GLRA2: variants seen among roughly 807,000 people sequenced by gnomAD.
The protein encoded by GLRA2 is glycine receptor subunit alpha-2.
In GLRA2, 11 loss-of-function variants were observed where a neutral mutation model predicts 31.6. The observed-to-expected ratio is 0.35, with a 90% CI of 0.22 to 0.58. GLRA2 has a LOEUF of 0.58. GLRA2 is among the 20% of genes least tolerant of loss of function. The probability of loss-of-function intolerance (pLI) is 0.84; values close to 1 mark genes in which losing one functional copy is unlikely to be tolerated. For synonymous variants in GLRA2, 132 were observed against 134.0 expected (o/e 0.99, Z 0.10); for missense variants, 212 against 351.8 (o/e 0.60, Z 3.18).
chrX:14,492,616 G>A, the GLRA2 span, among the ~76,000 whole-genome samples: 307 of 111,369 alleles, frequency 2.8e-3, no homozygotes, highest in African/African-American at 9.5e-3. Flanking sequence ...TGCTGGTGAG[G>A]ATGCAGAGCT....
chrX:14,718,812 G>A (rs1196890446), intron 8 of GLRA2, among the ~76,000 whole-genome samples: 1 of 111,588 alleles, frequency 9.0e-6, no homozygotes, highest in Admixed American at 9.5e-5. Context: ...CAGTGAACAT[G>A]GCAAGGCTGC....
chrX:14,708,702 C>T (rs750759459), intron 8 of GLRA2, among the ~76,000 whole-genome samples: 1 of 111,463 alleles, frequency 9.0e-6, no homozygotes, highest in Non-Finnish European at 1.9e-5. Flanking sequence ...TTTGGGAGGC[C>T]GAGGTGGGCG....
intron 2 of GLRA2, among the ~76,000 whole-genome samples, chrX:14,543,236 C>CAAAA (rs60906048): frequency 7.3e-4 from 17 of 23,363 alleles, no homozygotes; most frequent in African/African-American, 1.7e-3. Flanking sequence ...TTGTCATCTG[C>CAAAA]AAAAAAAAAA....
intron 1 of GLRA2, chrX:14,530,853 GT>G (rs1332976800): frequency 2.4e-6 from 1 of 410,616 alleles, no homozygotes; most frequent in East Asian, 1.4e-4. Context: ...TTACCAGTAA[GT>G]GAAATAGTCA....
At chrX:14,536,830 G>GA (rs1287911662) in intron 2 of GLRA2, among the ~76,000 whole-genome samples, 1 of 111,335 alleles carries the variant, frequency 9.0e-6, no homozygotes, top group Non-Finnish European at 1.9e-5. Context: ...AAAGTATACA[G>GA]AAAAAAAGAG....
intron 2 of GLRA2, among the ~76,000 whole-genome samples, chrX:14,547,436 G>A (rs1185708611): frequency 9.0e-6 from 1 of 111,295 alleles, no homozygotes; most frequent in Admixed American, 9.6e-5. Context: ...CTGTGTTTAG[G>A]TTCTTTACTA....
intron 7 of GLRA2, among the ~76,000 whole-genome samples, chrX:14,664,205 A>G (rs1289301038): frequency 8.9e-6 from 1 of 111,879 alleles, no homozygotes; most frequent in African/African-American, 3.2e-5. Flanking sequence ...ACTATTTTGT[A>G]GACACTGTGC....
chrX:14,663,010 A>G (rs1335402204), intron 7 of GLRA2, among the ~76,000 whole-genome samples: 1 of 111,933 alleles, frequency 8.9e-6, no homozygotes, highest in Non-Finnish European at 1.9e-5. Context: ...TAGTAGTAGT[A>G]GATTTTTCAG....
At chrX:14,464,808 G>C in the GLRA2 span, among the ~76,000 whole-genome samples, 1 of 111,805 alleles carries the variant, frequency 8.9e-6, no homozygotes, top group South Asian at 3.7e-4. Flanking sequence ...GCCCACCTCG[G>C]CCTCCCAAAG....
intron 7 of GLRA2, among the ~76,000 whole-genome samples, chrX:14,615,250 G>A (rs1298344805): frequency 8.9e-6 from 1 of 111,780 alleles, no homozygotes; most frequent in African/African-American, 3.2e-5. Flanking sequence ...GTGAATAAAT[G>A]AACAGTGTTG....
intron 2 of GLRA2, 49 bp downstream of exon 2, chrX:14,532,421 G>T: frequency 1.2e-6 from 1 of 837,849 alleles, no homozygotes; most frequent in Non-Finnish European, 1.7e-6. Context: ...TCTTCTAGAT[G>T]TTTGAATAGT....
the GLRA2 span, among the ~76,000 whole-genome samples, chrX:14,458,471 A>G: frequency 8.9e-6 from 1 of 112,124 alleles, no homozygotes; most frequent in Non-Finnish European, 1.9e-5. Flanking sequence ...TGGTTGAACT[A>G]GTTTACAGTC....
the GLRA2 span, among the ~76,000 whole-genome samples, chrX:14,512,346 C>T: frequency 1.1e-4 from 12 of 111,232 alleles, no homozygotes; most frequent in African/African-American, 3.6e-4. Flanking sequence ...AAGCATTTCC[C>T]CTGAAAACTA....
intron 2 of GLRA2, among the ~76,000 whole-genome samples, chrX:14,573,873 C>T (rs1458824523): frequency 1.8e-5 from 2 of 110,274 alleles, no homozygotes; most frequent in African/African-American, 6.6e-5. Context: ...TCAAAGTAAC[C>T]TGCTGATTTA....
intron 8 of GLRA2, among the ~76,000 whole-genome samples, chrX:14,701,122 A>AG (rs1318108782): frequency 9.0e-6 from 1 of 110,583 alleles, no homozygotes; most frequent in African/African-American, 3.3e-5. Flanking sequence ...ATAAAGAGGG[A>AG]GGTGACAGAG....
At chrX:14,451,120 C>G in the GLRA2 span, among the ~76,000 whole-genome samples, 7 of 111,551 alleles carry the variant, frequency 6.3e-5, no homozygotes, top group Non-Finnish European at 1.3e-4. Context: ...GAATTTGTTA[C>G]CAGCCTTACA....
At chrX:14,642,113 G>A (rs187891374) in intron 7 of GLRA2, among the ~76,000 whole-genome samples, 2 of 111,706 alleles carry the variant, frequency 1.8e-5, no homozygotes, top group Non-Finnish European at 1.9e-5. Flanking sequence ...CTCCTATAAA[G>A]GTTATATATT....
At chrX:14,527,574 C>T (rs1033392725), upstream of GLRA2, among the ~76,000 whole-genome samples, 2 of 107,380 alleles carry the variant, frequency 1.9e-5, no homozygotes, top group Non-Finnish European at 3.8e-5. Flanking sequence ...GAGATGACGC[C>T]ACTGCACTCC....
At chrX:14,513,123 A>G in the GLRA2 span, among the ~76,000 whole-genome samples, 7 of 111,804 alleles carry the variant, frequency 6.3e-5, no homozygotes, top group East Asian at 5.6e-4. Flanking sequence ...AATATAGCCA[A>G]CTGATCTTCA....
Sources: allele counts gnomAD v4.1 joint callset (sites outside exome capture counted in the v4.1 genomes callset), GRCh38; gene constraint gnomAD v4.1.1; transcripts MANE v1.5; gene names NCBI Gene and HGNC (gene_info 2026-07-23, HGNC 2026-07-21).